The following CFAP20DC variants were observed in gnomAD, a reference collection of about 807,000 sequenced individuals.
CFAP20DC encodes the protein protein CFAP20DC.
CFAP20DC carries 84 observed loss-of-function variants against 101.7 expected under a neutral mutation model. That is an observed-to-expected ratio of 0.83 (90% CI 0.69 to 0.99). The LOEUF (loss-of-function observed/expected upper bound fraction) is 0.99. Ranked by LOEUF, CFAP20DC falls within the 50% of genes least tolerant of loss-of-function variation. CFAP20DC has a pLI of 0.00. For missense variants in CFAP20DC, 1,007 were observed against 970.3 expected (o/e 1.04, Z -0.50); for synonymous variants, 359 against 351.2 (o/e 1.02, Z -0.25).
At chr3:58,764,459 GA>G (rs1392934554) in intron 15 of CFAP20DC, among the ~76,000 whole-genome samples, 1 of 152,162 alleles carries the variant, frequency 6.6e-6, no homozygotes, top group East Asian at 1.9e-4. Flanking sequence ...CTAGGAAAGG[GA>G]ATTCCCTGAC....
At chr3:58,845,835 C>T (rs2077587465) in intron 13 of CFAP20DC, among the ~76,000 whole-genome samples, 1 of 150,938 alleles carries the variant, frequency 6.6e-6, no homozygotes, top group African/African-American at 2.4e-5. Context: ...GGGCTTCATC[C>T]CTGGGTTGCA....
chr3:58,876,238 T>C (rs1207954250), intron 7 of CFAP20DC, among the ~76,000 whole-genome samples: 1 of 152,130 alleles, frequency 6.6e-6, no homozygotes, highest in Admixed American at 6.5e-5. Flanking sequence ...TGTATAATCA[T>C]ATTAATTGTC....
rs1576283717 is a variant in CFAP20DC at position 58,914,208 on chromosome 3, C to G, written c.394-344G>C. 6.6e-6 allele frequency among the ~76,000 whole-genome samples: 1 copy of G among 152,234 alleles called. No individual in the cohort carries two copies. The highest frequency in any genetic ancestry group is 6.5e-5 in the Admixed American group (1 of 15,284). The stretch of plus-strand genomic sequence containing the variant: ...GTTAGACCAGTGACATCTTGAAAAT[C>G]AGAGATAAGTAGCCAATTGTTCCTT... On this transcript the variant is annotated intron_variant, in intron 5 of 16. Coordinates refer to ENST00000482387, the MANE Select transcript of CFAP20DC (RefSeq NM_001394063.1). This position sits in a 1 kb window ranked among gnomAD's most constrained non-coding sequence, Gnocchi z 4.9.
intron 4 of CFAP20DC, among the ~76,000 whole-genome samples, chr3:58,991,259 C>T (rs570199808): frequency 6.6e-6 from 1 of 152,228 alleles, no homozygotes; most frequent in East Asian, 1.9e-4. Context: ...TCATCAGTAA[C>T]CATCTCCAAC....
At chr3:58,938,917 AT>A (rs2088102086) in intron 4 of CFAP20DC, among the ~76,000 whole-genome samples, 1 of 152,208 alleles carries the variant, frequency 6.6e-6, no homozygotes, top group African/African-American at 2.4e-5. Flanking sequence ...ACGTCTTTCA[AT>A]CCATAGTCAG....
chr3:58,719,710 T>G (rs922974479), intron 3 of CFAP20DC, among the ~76,000 whole-genome samples: 3 of 152,242 alleles, frequency 2.0e-5, no homozygotes, highest in Non-Finnish European at 4.4e-5. Flanking sequence ...AACAGTGGTT[T>G]GGCTTCTCTC....
rs928537336 is a variant in CFAP20DC at position 58,795,138 on chromosome 3, G to C, written c.2237+11257C>G. Among the ~76,000 whole-genome samples the C allele has an allele frequency of 6.6e-6, 1 of 152,072 alleles. No individual in the cohort carries two copies. The highest frequency in any genetic ancestry group is 2.4e-5 in the African/African-American group (1 of 41,418). On this transcript the variant is annotated intron_variant, in intron 15 of 16. Coordinates refer to ENST00000482387, the MANE Select transcript of CFAP20DC (RefSeq NM_001394063.1). This position sits in a 1 kb window ranked among gnomAD's most constrained non-coding sequence, Gnocchi z 4.2. ...GAATTAGTACTTCTATTTTTTTAAA[G>C]GTTCTCATTACTCTTGAGGGGGAAG...
chr3:58,823,003 C>T (rs2075794095), intron 14 of CFAP20DC, among the ~76,000 whole-genome samples: 8 of 152,124 alleles, frequency 5.3e-5, no homozygotes, highest in Admixed American at 5.2e-4. Context: ...TGCTGATTTT[C>T]TTCGTTTATT....
rs140767900 is a variant in CFAP20DC, at chr3:58,723,301, T to G, written c.198-5673A>C. ...TGTAACATTTGCAATTTCAGAGGGG[T>G]AGAGGTTCCTCCACCTTTCACATAA... On this transcript the variant is annotated intron_variant, in intron 3 of 3. Coordinates refer to the CFAP20DC transcript ENST00000486145. Among the ~76,000 whole-genome samples the G allele has an allele frequency of 4.0e-3, 612 of 152,280 alleles. 4 individuals carry two copies. The highest frequency in any genetic ancestry group is 6.8e-3 in the Middle Eastern group (2 of 294).
At chr3:58,820,975 T>G (rs529586866) in intron 14 of CFAP20DC, among the ~76,000 whole-genome samples, 1 of 151,214 alleles carries the variant, frequency 6.6e-6, no homozygotes, top group Admixed American at 6.6e-5. Flanking sequence ...AATAGAGCCC[T>G]CAGAAATAAC....
chr3:58,808,933 G>C (rs2074360110), intron 14 of CFAP20DC, among the ~76,000 whole-genome samples: 1 of 152,024 alleles, frequency 6.6e-6, no homozygotes, highest in East Asian at 1.9e-4. Context: ...TGACAAAACA[G>C]ACTTTAAACC....
chr3:58,976,529 T>C (rs1033025736), intron 4 of CFAP20DC, among the ~76,000 whole-genome samples: 2 of 152,192 alleles, frequency 1.3e-5, no homozygotes, highest in African/African-American at 2.4e-5. Flanking sequence ...GCAGGTGGAA[T>C]TGGTTTTAAA....
chr3:58,807,609 G>A (rs1366471039), intron 14 of CFAP20DC, among the ~76,000 whole-genome samples: 2 of 152,284 alleles, frequency 1.3e-5, no homozygotes, highest in African/African-American at 2.4e-5. Context: ...AAACCACAAA[G>A]ATGGGGAAAA....
chr3:58,873,100 C>G (rs573358434), intron 7 of CFAP20DC, among the ~76,000 whole-genome samples: 1,284 of 58,470 alleles, frequency 0.022, no homozygotes, highest in Middle Eastern at 0.038. Flanking sequence ...CAGAAGTCTG[C>G]ATAGCTATTC....
At chr3:58,871,743 G>A (rs143434983) in intron 7 of CFAP20DC, among the ~76,000 whole-genome samples, 1 of 152,152 alleles carries the variant, frequency 6.6e-6, no homozygotes, top group Non-Finnish European at 1.5e-5. Context: ...GGCCAGGCTG[G>A]TCTCGAACTC....
intron 4 of CFAP20DC, among the ~76,000 whole-genome samples, chr3:59,037,436 A>T (rs1387152276): frequency 1.6e-5 from 2 of 125,880 alleles, no homozygotes; most frequent in African/African-American, 3.0e-5. Flanking sequence ...AATTTACAAT[A>T]AAAAAAAAAA....
chr3:58,878,974 C>G (rs1316935898), intron 7 of CFAP20DC, among the ~76,000 whole-genome samples: 1 of 151,564 alleles, frequency 6.6e-6, no homozygotes, highest in African/African-American at 2.4e-5. Context: ...TGCCACTGCA[C>G]TCCAGCCTGG....
At position 58,863,636 on chromosome 3, in the gene CFAP20DC, A is replaced by G; in HGVS notation, c.1515T>C (p.Asp505=). 5.6e-6 allele frequency: 9 copies of G among 1,614,134 alleles called. No homozygotes were observed. The highest frequency in any genetic ancestry group is 7.6e-6 in the Non-Finnish European group (9 of 1,180,012). The change falls in exon 12 of 17, where the codon GAT becomes GAC. Residue 505 remains aspartate, a synonymous_variant. Coordinates refer to ENST00000482387, the MANE Select transcript of CFAP20DC (RefSeq NM_001394063.1). This position sits in a 1 kb window ranked among gnomAD's most constrained non-coding sequence, Gnocchi z 5.9. ...MSPEELSFIL[D]LKEDNSVTSR... ...TTGTCACACTGTTATCCTCTTTTAGATCCAAAATAAATGAGAGCTCCTCTG... is the reference window on the plus strand; with the variant it reads ...TTGTCACACTGTTATCCTCTTTTAGGTCCAAAATAAATGAGAGCTCCTCTG...
intron 15 of CFAP20DC, among the ~76,000 whole-genome samples, chr3:58,798,008 A>C (rs951895280): frequency 6.6e-6 from 1 of 152,192 alleles, no homozygotes; most frequent in African/African-American, 2.4e-5. Context: ...GGTCATTGGC[A>C]ATGCACCTGG....
Sources: gnomAD v4.1 joint callset for allele counts (sites outside exome capture counted in the v4.1 genomes callset) on GRCh38, gnomAD v4.1.1 for gene constraint, Gnocchi (gnomAD v3.1) non-coding constraint, MANE v1.5 for transcripts, NCBI Gene and HGNC (gene_info 2026-07-23, HGNC 2026-07-21) for gene names.